The following NELL1 variants were observed in gnomAD, a reference collection of about 807,000 sequenced individuals.
NELL1 encodes neural EGFL like 1.
A neutral mutation model predicts 107.4 loss-of-function variants in NELL1; 76 were observed. That is an observed-to-expected ratio of 0.71 (90% CI 0.59 to 0.86). NELL1 has a LOEUF of 0.86. Among genes scored for constraint, NELL1 ranks in the 40% least tolerant of loss-of-function variants. NELL1 has a pLI of 0.00. For synonymous variants in NELL1, 353 were observed against 341.2 expected (o/e 1.03, Z -0.38); for missense variants, 1,024 against 1,005.5 (o/e 1.02, Z -0.25).
intron 2 of NELL1, among the ~76,000 whole-genome samples, chr11:20,736,081 C>T (rs967318797): frequency 3.3e-5 from 5 of 152,076 alleles, no homozygotes; most frequent in African/African-American, 7.2e-5. Flanking sequence ...GGTTAGTATA[C>T]TTGAAGATGC....
At chr11:21,449,851 A>G (rs1263203375) in intron 15 of NELL1, among the ~76,000 whole-genome samples, 1 of 152,218 alleles carries the variant, frequency 6.6e-6, no homozygotes, top group East Asian at 1.9e-4. Flanking sequence ...CTTGTCAAAC[A>G]TCACTTGTCC....
chr11:21,211,134 A>G (rs1364838359), intron 13 of NELL1, among the ~76,000 whole-genome samples: 1 of 152,200 alleles, frequency 6.6e-6, no homozygotes, highest in African/African-American at 2.4e-5. Flanking sequence ...GTAAATTATA[A>G]ATGTGATTAG....
At chr11:21,013,628 C>A (rs896151802) in intron 12 of NELL1, among the ~76,000 whole-genome samples, 4 of 152,060 alleles carry the variant, frequency 2.6e-5, no homozygotes, top group African/African-American at 9.7e-5. Flanking sequence ...TTCAGAGTCA[C>A]AGAAAAATTG....
At chr11:21,496,820 CT>C (rs1854992456) in intron 15 of NELL1, among the ~76,000 whole-genome samples, 1 of 152,058 alleles carries the variant, frequency 6.6e-6, no homozygotes, top group South Asian at 2.1e-4. Flanking sequence ...TAAACCATTC[CT>C]GTGTCTAAGC....
chr11:21,057,218 A>C (rs1853634122), intron 12 of NELL1, among the ~76,000 whole-genome samples: 1 of 152,114 alleles, frequency 6.6e-6, no homozygotes, highest in South Asian at 2.1e-4. Flanking sequence ...TGGCCCATTG[A>C]AAACTGTTAA....
intron 14 of NELL1, among the ~76,000 whole-genome samples, chr11:21,287,378 A>T (rs1849148608): frequency 1.3e-5 from 2 of 152,192 alleles, no homozygotes; most frequent in Admixed American, 1.3e-4. Context: ...ATCCAGCATG[A>T]TCTTTCTGAC....
chr11:21,498,514 GTATTC>G (rs1855048035), intron 15 of NELL1, among the ~76,000 whole-genome samples: 1 of 151,336 alleles, frequency 6.6e-6, no homozygotes, highest in South Asian at 2.1e-4. Context: ...GTACTATATA[GTATTC>G]TATTTGAAGA....
chr11:20,983,796 A>C (rs1244862624), intron 12 of NELL1, among the ~76,000 whole-genome samples: 2 of 152,128 alleles, frequency 1.3e-5, no homozygotes, highest in Non-Finnish European at 2.9e-5. Context: ...TCACAATGCA[A>C]AACTGAACAT....
chr11:20,920,213 C>T (rs1443719253), intron 7 of NELL1, among the ~76,000 whole-genome samples: 3 of 95,204 alleles, frequency 3.2e-5, no homozygotes, highest in Non-Finnish European at 6.5e-5. Context: ...GCCTAAGAGA[C>T]ATTATACTCT....
In NELL1 at chr11:20,960,486, A is replaced by C; in HGVS notation, c.1226A>C (p.Asn409Thr). 6.2e-7 allele frequency: 1 copy of C among 1,613,996 alleles called. No homozygotes were observed. Among genetic ancestry groups the C allele is most frequent in the Non-Finnish European group, 8.5e-7 (1 of 1,179,898 alleles). ...TGTGGTGAAAACTCAGAGTGCAAAA[A>C]CTGGAATACAAAAGCTACTTGTGAG... ...PKCGENSECK[N>T]WNTKATCECK... Residue 409 changes from asparagine (N) to threonine (T), a missense_variant, in exon 12 of 20, where the codon AAC (asparagine) becomes ACC (threonine). Coordinates refer to ENST00000357134, the MANE Select transcript of NELL1 (RefSeq NM_006157.5).
intron 13 of NELL1, among the ~76,000 whole-genome samples, chr11:21,187,712 T>C (rs183533851): frequency 3.2e-4 from 48 of 151,888 alleles, no homozygotes; most frequent in Admixed American, 8.5e-4. Context: ...CCTTACAGGG[T>C]CACTTTATTC....
At chr11:21,079,657 A>G (rs1220938024) in intron 12 of NELL1, among the ~76,000 whole-genome samples, 2 of 152,066 alleles carry the variant, frequency 1.3e-5, no homozygotes, top group African/African-American at 4.8e-5. Flanking sequence ...GTAACAAATT[A>G]TTTAGAATTA....
chr11:20,730,369 T>C (rs1305563418), intron 2 of NELL1, among the ~76,000 whole-genome samples: 1 of 152,174 alleles, frequency 6.6e-6, no homozygotes, highest in Non-Finnish European at 1.5e-5. Flanking sequence ...TGTATGCATT[T>C]TACTGGGGAA....
intron 13 of NELL1, among the ~76,000 whole-genome samples, chr11:21,164,361 G>T (rs1856436328): frequency 6.6e-6 from 1 of 152,102 alleles, no homozygotes; most frequent in African/African-American, 2.4e-5. Flanking sequence ...GAAGTTAGTG[G>T]AATACCAGGA....
At chr11:21,435,772 T>C (rs1853097526) in intron 15 of NELL1, among the ~76,000 whole-genome samples, 1 of 151,422 alleles carries the variant, frequency 6.6e-6, no homozygotes, top group African/African-American at 2.4e-5. Flanking sequence ...GAAATATTGG[T>C]CTGTACTTTG....
chr11:21,144,547 C>T (rs1217752597), intron 13 of NELL1, among the ~76,000 whole-genome samples: 1 of 152,136 alleles, frequency 6.6e-6, no homozygotes, highest in Non-Finnish European at 1.5e-5. Context: ...CAGGAGCACC[C>T]TATCTTTTAT....
At chr11:21,242,623 A>G (rs1342626610) in intron 14 of NELL1, among the ~76,000 whole-genome samples, 1 of 152,110 alleles carries the variant, frequency 6.6e-6, no homozygotes, top group African/African-American at 2.4e-5. Context: ...ATTCTGCCTG[A>G]TACACTGTAA....
At chr11:21,115,375 C>CACACAT (rs1460947242) in intron 13 of NELL1, among the ~76,000 whole-genome samples, 1 of 146,010 alleles carries the variant, frequency 6.8e-6, no homozygotes, top group African/African-American at 2.5e-5. Context: ...CACACACACA[C>CACACAT]GCTTTTTTGT....
chr11:21,200,484 T>C (rs1857244354), intron 13 of NELL1, among the ~76,000 whole-genome samples: 1 of 150,848 alleles, frequency 6.6e-6, no homozygotes, highest in Non-Finnish European at 1.5e-5. Flanking sequence ...CACTTTTTGA[T>C]TTTTTTTCTT....
Sources: allele counts gnomAD v4.1 joint callset (sites outside exome capture counted in the v4.1 genomes callset), GRCh38; gene constraint gnomAD v4.1.1; transcripts MANE v1.5; gene names NCBI Gene and HGNC (gene_info 2026-07-23, HGNC 2026-07-21).